Variants in AHCYL2 observed in about 807,000 individuals in gnomAD.
AHCYL2 encodes the protein adenosylhomocysteinase like 2, also known as S-adenosylhomocysteine hydrolase-like protein 2.
Under a neutral mutation model 81.4 loss-of-function variants are expected in AHCYL2, and 28 were observed. That is an observed-to-expected ratio of 0.34 (90% CI 0.25 to 0.47). The LOEUF (loss-of-function observed/expected upper bound fraction) is 0.47. Ranked by LOEUF, AHCYL2 falls within the 20% of genes least tolerant of loss-of-function variation. The probability of loss-of-function intolerance (pLI) is 1.00; values close to 1 mark genes in which losing one functional copy is unlikely to be tolerated. For synonymous variants in AHCYL2, 272 were observed against 290.2 expected, an observed-to-expected ratio of 0.94 and a Z score of 0.64; for missense variants, 551 against 785.1, an observed-to-expected ratio of 0.70 and a Z score of 3.56.
chr7:129,403,294 T>C, intron 6 of AHCYL2, 85 bp from the exon 7 acceptor site: 1 of 793,556 alleles, frequency 1.3e-6, no homozygotes, highest in Non-Finnish European at 2.0e-6. Flanking sequence ...AATTGCTAAT[T>C]AGATTGGGAT....
Position 129,389,120 on chromosome 7 carries a change from T to A in AHCYL2, c.540T>A (p.Ser180=). 3 of 1,613,966 alleles carry A rather than the reference T, an allele frequency of 1.9e-6. No homozygotes were observed. Among genetic ancestry groups the A allele is most frequent in the Non-Finnish European group, 2.5e-6 (3 of 1,179,930 alleles). The change falls in exon 3 of 17, where the codon TCT becomes TCA. Residue 180 remains serine, a synonymous_variant. Coordinates refer to ENST00000325006, the MANE Select transcript of AHCYL2 (RefSeq NM_015328.4). ...TSPRDKQQKN[S]KGSSDFCVKN... ...CCAGGGACAAGCAGCAAAAGAACTC[T>A]AAGGGAAGCAGTGACTTCTGTGTTA...
At chr7:129,372,956 G>T (rs1794483422) in intron 1 of AHCYL2, among the ~76,000 whole-genome samples, 1 of 152,198 alleles carries the variant, frequency 6.6e-6, no homozygotes, top group Non-Finnish European at 1.5e-5. Flanking sequence ...AGAGTCAAGA[G>T]AATCAGGGCT....
chr7:129,238,628 AGG>A (rs1225493102), intron 1 of AHCYL2, among the ~76,000 whole-genome samples: 1 of 152,120 alleles, frequency 6.6e-6, no homozygotes, highest in African/African-American at 2.4e-5. Context: ...ACTGAAATTG[AGG>A]TGAAACCCAA....
rs547418613 is a variant in AHCYL2, at chr7:129,294,245, A to G, written c.363+68806A>G. On this transcript the variant is annotated intron_variant, in intron 1 of 16. Coordinates refer to ENST00000325006, the MANE Select transcript of AHCYL2 (RefSeq NM_015328.4). ...CTTAATTGGTTTGACTGCATCTCTA[A>G]AAGCTCTCTTTAGATTGATGCCAAA... Among the ~76,000 whole-genome samples the G allele has an allele frequency of 9.2e-5, 14 of 152,264 alleles. No homozygotes were observed. The South Asian group carries it at 2.9e-3, about 32-fold the overall frequency.
chr7:129,368,676 A>T lies in AHCYL2; in HGVS notation c.364-10962A>T. 1 of 1,156,782 alleles carries T rather than the reference A, an allele frequency of 8.6e-7. No individual in the cohort carries two copies. The highest frequency in any genetic ancestry group is 1.3e-6 in the Non-Finnish European group (1 of 784,700). The allele number at this position is 1,156,782 out of a possible 1,614,324, so 71.7% of individuals were successfully genotyped here. ...AAGATCCGTGGTTGGAAAAACAGTT[A>T]TTACTCTACGTTCTGATTAGTTCCT... On this transcript the variant is annotated intron_variant, in intron 1 of 16. Transcript: ENST00000325006. This position sits in a 1 kb window ranked among gnomAD's most constrained non-coding sequence, Gnocchi z 4.4.
At chr7:129,339,502 CT>C in intron 1 of AHCYL2, among the ~76,000 whole-genome samples, 1 of 152,172 alleles carries the variant, frequency 6.6e-6, no homozygotes, top group East Asian at 1.9e-4. Context: ...GTTTCCATGC[CT>C]TTAATGCAGC....
chr7:129,355,399 C>T (rs1041840839), intron 1 of AHCYL2, among the ~76,000 whole-genome samples: 1 of 151,962 alleles, frequency 6.6e-6, no homozygotes, highest in African/African-American at 2.4e-5. Flanking sequence ...TGATAATGTA[C>T]CAAAATACAT....
chr7:129,307,682 C>T (rs1469301861), intron 1 of AHCYL2, among the ~76,000 whole-genome samples: 1 of 151,704 alleles, frequency 6.6e-6, no homozygotes, highest in Non-Finnish European at 1.5e-5. Flanking sequence ...GGATTCTCTC[C>T]TCATAGCCAA....
At chr7:129,285,696 CTTTTTT>C (rs71526096) in intron 1 of AHCYL2, among the ~76,000 whole-genome samples, 1 of 100,586 alleles carries the variant, frequency 9.9e-6, no homozygotes. Flanking sequence ...CTCTCTCTCT[CTTTTTT>C]TTTTTTTTTT....
At chr7:129,361,455 G>A (rs1001178641) in intron 1 of AHCYL2, among the ~76,000 whole-genome samples, 8 of 152,092 alleles carry the variant, frequency 5.3e-5, no homozygotes, top group South Asian at 2.1e-4. Context: ...TAAGCACCAC[G>A]AAGATAAAGA....
chr7:129,298,214 T>C (rs1481370790), intron 1 of AHCYL2, among the ~76,000 whole-genome samples: 2 of 152,152 alleles, frequency 1.3e-5, no homozygotes, highest in Non-Finnish European at 2.9e-5. Flanking sequence ...ATAAATTAGG[T>C]TCATATTATA....
At chr7:129,354,211 G>A (rs1424025771) in intron 1 of AHCYL2, among the ~76,000 whole-genome samples, 2 of 152,198 alleles carry the variant, frequency 1.3e-5, no homozygotes, top group African/African-American at 4.8e-5. Flanking sequence ...CAGAGCACTG[G>A]TGGAAGGATA....
At position 129,254,476 on chromosome 7, in the gene AHCYL2, G is replaced by C. The variant is rs533036004; in HGVS notation, c.363+29037G>C. Among the ~76,000 whole-genome samples the C allele has an allele frequency of 3.8e-4, 58 of 152,252 alleles. No individual in the cohort carries two copies. In the South Asian group the frequency reaches 6.4e-3, roughly 17 times the overall value. On this transcript the variant is annotated intron_variant, in intron 1 of 16. Transcript: ENST00000325006. ...ATGTTAATTTTAGAGAAACTAGCTA[G>C]TACTGTTTTTTCTAGAAACTCTGAT...
intron 1 of AHCYL2, among the ~76,000 whole-genome samples, chr7:129,263,392 A>G (rs1214837976): frequency 6.6e-6 from 1 of 152,218 alleles, no homozygotes; most frequent in Non-Finnish European, 1.5e-5. Context: ...TCATGTGGCC[A>G]AACTTGATAT....
chr7:129,412,965 A>G (rs1796662752), intron 11 of AHCYL2, among the ~76,000 whole-genome samples: 2 of 151,936 alleles, frequency 1.3e-5, no homozygotes, highest in African/African-American at 4.8e-5. Context: ...TAGCCTCCCT[A>G]GTAGCTGGGA....
chr7:129,336,524 T>C (rs1189265181), intron 1 of AHCYL2, among the ~76,000 whole-genome samples: 1 of 152,144 alleles, frequency 6.6e-6, no homozygotes, highest in Non-Finnish European at 1.5e-5. Flanking sequence ...TTCTCTTGTA[T>C]GGAGATTATG....
At chr7:129,240,592 G>A (rs1278277810) in intron 1 of AHCYL2, among the ~76,000 whole-genome samples, 1 of 151,984 alleles carries the variant, frequency 6.6e-6, no homozygotes. Flanking sequence ...CTTGTTCCTG[G>A]GCATTGTTTT....
chr7:129,373,686 T>C (rs549144500), intron 1 of AHCYL2, among the ~76,000 whole-genome samples: 5 of 152,286 alleles, frequency 3.3e-5, no homozygotes, highest in African/African-American at 1.2e-4. Flanking sequence ...CTGGTTCTAT[T>C]TGGTATAGAT....
Position 129,409,341 on chromosome 7 carries a change from T to C in AHCYL2, c.1296-135T>C, listed in dbSNP as rs1426471181. The C allele has an allele frequency of 5.0e-6, 3 of 601,918 alleles. No individual in the cohort carries two copies. In the African/African-American group the frequency reaches 5.8e-5, roughly 12 times the overall value. 37.3% of individuals were successfully genotyped at this position (601,918 alleles called of 1,614,324 possible). A position where few individuals can be genotyped will look rare whatever the true frequency, so the allele number is the denominator to read the frequency against. On this transcript the variant is annotated intron_variant, in intron 10 of 16. Transcript: ENST00000325006. ...GTCTTGTATGAACTAAGGAAATTGT[T>C]TGGATTTTTCACTTCTAAGAATAGT...
Sources: gnomAD v4.1 joint callset for allele counts (sites outside exome capture counted in the v4.1 genomes callset) on GRCh38, gnomAD v4.1.1 for gene constraint, Gnocchi (gnomAD v3.1) non-coding constraint, MANE v1.5 for transcripts, NCBI Gene and HGNC (gene_info 2026-07-23, HGNC 2026-07-21) for gene names.